Variants in KIF21A observed in about 807,000 individuals in gnomAD.
The protein encoded by KIF21A is kinesin-like protein KIF21A.
Under a neutral mutation model 202.9 loss-of-function variants are expected in KIF21A, and 114 were observed. That is an observed-to-expected ratio of 0.56 (90% CI 0.48 to 0.66). The LOEUF (loss-of-function observed/expected upper bound fraction) is 0.66. KIF21A is among the 30% of genes least tolerant of loss of function. KIF21A has a pLI of 0.00. For missense variants in KIF21A, 1,677 were observed against 1,994.9 expected, an observed-to-expected ratio of 0.84 and a Z score of 3.04; for synonymous variants, 667 against 670.8, an observed-to-expected ratio of 0.99 and a Z score of 0.09.
chr12:39,320,583 T>A (rs1369003329), intron 27 of KIF21A, among the ~76,000 whole-genome samples: 2 of 151,850 alleles, frequency 1.3e-5, no homozygotes, highest in Non-Finnish European at 2.9e-5. Context: ...CTGCTTGTAA[T>A]TAAAAATTCA....
At chr12:39,305,141 G>A (rs1202922665) in intron 34 of KIF21A, among the ~76,000 whole-genome samples, 2 of 151,788 alleles carry the variant, frequency 1.3e-5, no homozygotes, top group Non-Finnish European at 2.9e-5. Flanking sequence ...CGAGGTGGAC[G>A]TATCACCTGA....
intron 1 of KIF21A, among the ~76,000 whole-genome samples, chr12:39,441,667 A>AAAAAAAAAAAAAAAAAAAC (rs1566428715): frequency 6.9e-6 from 1 of 145,686 alleles, no homozygotes; most frequent in Non-Finnish European, 1.5e-5. Flanking sequence ...TGGTAAAAAA[A>AAAAAAAAAAAAAAAAAAAC]AAAAAAAAAA....
intron 30 of KIF21A, 109 bp from the exon 31 acceptor site, chr12:39,315,349 G>GAAAGAA: frequency 1.1e-6 from 1 of 932,204 alleles, no homozygotes; most frequent in Non-Finnish European, 1.7e-6. Context: ...AAGAGAAAGA[G>GAAAGAA]AAGTTAAGGA....
chr12:39,393,531 C>T (rs945173500), intron 1 of KIF21A, among the ~76,000 whole-genome samples: 3 of 152,118 alleles, frequency 2.0e-5, no homozygotes, highest in African/African-American at 7.2e-5. Flanking sequence ...TTGTATTTGC[C>T]ATTCCGTCTT....
intron 1 of KIF21A, among the ~76,000 whole-genome samples, chr12:39,391,393 C>G (rs1449536208): frequency 6.6e-6 from 1 of 151,942 alleles, no homozygotes; most frequent in Non-Finnish European, 1.5e-5. Flanking sequence ...ATAGTGTGCT[C>G]CCTATGCATC....
chr12:39,337,271 T>C (rs567249216), intron 16 of KIF21A, 68 bp from the exon 17 acceptor site: 2 of 991,054 alleles, frequency 2.0e-6, no homozygotes, highest in African/African-American at 1.6e-5. Flanking sequence ...CAACCACATA[T>C]ATGGAAGTAA....
Position 39,333,001 on chromosome 12 carries a change from C to T in KIF21A, c.2594G>A (p.Ser865Asn). 6.2e-7 allele frequency: 1 copy of T among 1,614,170 alleles called. No individual in the cohort carries two copies. The highest frequency in any genetic ancestry group is 8.5e-7 in the Non-Finnish European group (1 of 1,180,006). The stretch of plus-strand genomic sequence containing the variant: ...TGCATCTGTTTCGACAGCAGCTGCA[C>T]TGGAACCTGTGTCCTGAGCAGGTGC... Reference protein sequence around the residue: ...SDAPAQDTGSSAAAVETDASR... With the variant: ...SDAPAQDTGSNAAAVETDASR... Residue 865 changes from serine (S) to asparagine (N), a missense_variant, in exon 19 of 38, where the codon AGT becomes AAT. Physicochemically the swap from Ser to Asn is conservative, Grantham distance 46. Coordinates refer to ENST00000361418, the MANE Select transcript of KIF21A (RefSeq NM_001173464.2).
chr12:39,373,740 C>G (rs1033510552), intron 1 of KIF21A, among the ~76,000 whole-genome samples: 1 of 152,130 alleles, frequency 6.6e-6, no homozygotes, highest in East Asian at 1.9e-4. Flanking sequence ...ATTGCAGATA[C>G]GATAGCCAAT....
intron 17 of KIF21A, among the ~76,000 whole-genome samples, chr12:39,333,837 T>C (rs1233940744): frequency 6.6e-6 from 1 of 151,818 alleles, no homozygotes; most frequent in Non-Finnish European, 1.5e-5. Context: ...ACTCTCAAAA[T>C]AAAGATGACT....
intron 27 of KIF21A, among the ~76,000 whole-genome samples, chr12:39,320,634 G>GAA (rs775517753): frequency 1.5e-5 from 2 of 137,236 alleles, no homozygotes; most frequent in African/African-American, 2.7e-5. Flanking sequence ...AATTTTAACT[G>GAA]AAAAAAAAAA....
At chr12:39,363,882 G>A (rs1210877652) in intron 6 of KIF21A, among the ~76,000 whole-genome samples, 5 of 152,226 alleles carry the variant, frequency 3.3e-5, no homozygotes, top group African/African-American at 7.2e-5. Context: ...GCTAAGCGTG[G>A]TGGTGTGTGC....
Position 39,351,820 on chromosome 12 carries a change from C to CT in KIF21A, c.1629dup (p.Asp544ArgfsTer20), listed in dbSNP as rs1381571381. ...TCTTTTCTTTTCAACTTCTCTAAAT[C>CT]TTTTTTTGCTAGGTCTATAATTTCA... is the stretch of plus-strand genomic sequence containing the variant. On this transcript the variant is annotated frameshift_variant, in exon 11 of 38. Coordinates refer to ENST00000361418, the MANE Select transcript of KIF21A (RefSeq NM_001173464.2). LOFTEE classifies it high-confidence loss of function. The CT allele has an allele frequency of 3.1e-6, 5 of 1,601,432 alleles. No homozygotes were observed. Among genetic ancestry groups the CT allele is most frequent in the South Asian group, 1.1e-5 (1 of 90,386 alleles).
rs1386952249 is a variant in KIF21A, at chr12:39,337,126, A to G, written c.2388T>C (p.Ala796=). Residue 796 remains alanine, a synonymous_variant, in exon 17 of 38, where the codon GCT becomes GCC. Transcript: ENST00000361418. ...TTTTACGTTGATCCTTTTTCAACTG[A>G]GCAATCTCTCTGTTTCTTCTAGACT... ...LTESRRNREI[A]QLKKDQRKRD... 2 of 1,610,658 alleles carry G rather than the reference A, an allele frequency of 1.2e-6. No individual in the cohort carries two copies. Among genetic ancestry groups the G allele is most frequent in the Non-Finnish European group, 1.7e-6 (2 of 1,178,004 alleles).
At position 39,357,310 on chromosome 12, in the gene KIF21A, G is replaced by A. The variant is rs769003611; in HGVS notation, c.1343C>T (p.Ala448Val). 6.2e-7 allele frequency: 1 copy of A among 1,614,070 alleles called. No individual in the cohort carries two copies. The highest frequency in any genetic ancestry group is 8.5e-7 in the Non-Finnish European group (1 of 1,179,962). Residue 448 changes from alanine (A) to valine (V), a missense_variant, in exon 9 of 38, where the codon GCA becomes GTA. Ala to Val is a moderately conservative substitution (Grantham distance 64). This residue lies in a region of KIF21A where 966 missense variants were observed against 1,180.9 expected (regional missense o/e 0.82). Coordinates refer to ENST00000361418, the MANE Select transcript of KIF21A (RefSeq NM_001173464.2). ...AAGCTGTGTAATTCTGGACCTCAAT[G>A]CATCAACCGTCTCTTGCATGGCTTT... ...RIKAMQETVD[A>V]LRSRITQLVS...
At chr12:39,389,988 T>C (rs1354969236) in intron 1 of KIF21A, among the ~76,000 whole-genome samples, 1 of 152,170 alleles carries the variant, frequency 6.6e-6, no homozygotes, top group Non-Finnish European at 1.5e-5. Flanking sequence ...CACTATACAC[T>C]TTCCCTTCAT....
chr12:39,420,037 A>T (rs1184900886), intron 1 of KIF21A, among the ~76,000 whole-genome samples: 1 of 148,160 alleles, frequency 6.7e-6, no homozygotes, highest in Admixed American at 6.9e-5. Flanking sequence ...GAGAAATGGC[A>T]ACTGCTTCTC....
intron 1 of KIF21A, among the ~76,000 whole-genome samples, chr12:39,376,931 T>C (rs1434485991): frequency 6.6e-6 from 1 of 152,192 alleles, no homozygotes; most frequent in Non-Finnish European, 1.5e-5. Flanking sequence ...TTTTTGCCAC[T>C]AGCCATTGCT....
chr12:39,328,072 C>T (rs772992930), intron 24 of KIF21A, among the ~76,000 whole-genome samples: 2 of 152,102 alleles, frequency 1.3e-5, no homozygotes, highest in African/African-American at 2.4e-5. Flanking sequence ...CCCCTGAGAC[C>T]GCCGTCCTTA....
chr12:39,310,211 T>A (rs1204450251), intron 32 of KIF21A, among the ~76,000 whole-genome samples: 1 of 152,134 alleles, frequency 6.6e-6, no homozygotes, highest in East Asian at 1.9e-4. Flanking sequence ...TATATTTTTA[T>A]TTTTGACCCA....
Sources: allele counts gnomAD v4.1 joint callset (sites outside exome capture counted in the v4.1 genomes callset), GRCh38; gene constraint gnomAD v4.1.1; regional missense constraint gnomAD v4.1.1; transcripts MANE v1.5; gene names NCBI Gene and HGNC (gene_info 2026-07-23, HGNC 2026-07-21).